The following VCAN variants were observed in gnomAD, a reference collection of about 807,000 sequenced individuals.
The protein encoded by VCAN is versican, also known as versican core protein.
A neutral mutation model predicts 245.5 loss-of-function variants in VCAN; 44 were observed. The ratio of observed to expected loss-of-function variants is 0.18; its 90% confidence interval spans 0.14 to 0.23. VCAN has a LOEUF of 0.23. VCAN is among the 10% of genes least tolerant of loss of function. The pLI, the probability that VCAN is intolerant of heterozygous loss-of-function variation, is 1.00. For missense variants in VCAN, 3,793 were observed against 4,057.9 expected, an observed-to-expected ratio of 0.93 and a Z score of 1.77; for synonymous variants, 1,413 against 1,437.0, an observed-to-expected ratio of 0.98 and a Z score of 0.38.
chr5:83,543,924 C>T (rs751506912), intron 8 of VCAN, among the ~76,000 whole-genome samples: 1 of 152,184 alleles, frequency 6.6e-6, no homozygotes, highest in Non-Finnish European at 1.5e-5. Flanking sequence ...GAATAACATT[C>T]ATAAAAACTG....
At position 83,518,353 on chromosome 5, in the gene VCAN, G is replaced by T. The variant is rs376957769; in HGVS notation, c.1043-996G>T. ...ACACAATTTAAATTTCTTTCAACAG[G>T]CCAGGCCATTCTCTGTAAATCTGGA... is the stretch of plus-strand genomic sequence containing the variant. On this transcript the variant is annotated intron_variant, in intron 6 of 14. Transcript: ENST00000265077. 3.3e-5 allele frequency among the ~76,000 whole-genome samples: 5 copies of T among 152,094 alleles called. No homozygotes were observed. In the East Asian group the frequency reaches 7.7e-4, roughly 23 times the overall value.
intron 6 of VCAN, among the ~76,000 whole-genome samples, chr5:83,518,634 C>G (rs1030377835): frequency 5.9e-5 from 9 of 152,132 alleles, no homozygotes; most frequent in Admixed American, 6.5e-5. Flanking sequence ...TAGCCTCTGC[C>G]AGGCACATTT....
At chr5:83,486,887 G>A (rs764724935) in intron 2 of VCAN, among the ~76,000 whole-genome samples, 7 of 152,188 alleles carry the variant, frequency 4.6e-5, no homozygotes, top group Non-Finnish European at 1.0e-4. Context: ...TGGATTTATA[G>A]TGGAAAACAC....
intron 13 of VCAN, among the ~76,000 whole-genome samples, chr5:83,575,294 C>G (rs1287403767): frequency 6.6e-6 from 1 of 152,140 alleles, no homozygotes; most frequent in Non-Finnish European, 1.5e-5. Flanking sequence ...AGAATGTATT[C>G]TCAATACCTT....
chr5:83,510,932 G>A (rs1423513875), intron 5 of VCAN, among the ~76,000 whole-genome samples: 1 of 152,148 alleles, frequency 6.6e-6, no homozygotes, highest in African/African-American at 2.4e-5. Flanking sequence ...TGGCCAACAT[G>A]GCAAAACCCC....
chr5:83,508,588 A>C (rs1745552190), intron 5 of VCAN, among the ~76,000 whole-genome samples: 1 of 152,242 alleles, frequency 6.6e-6, no homozygotes, highest in Non-Finnish European at 1.5e-5. Context: ...AGGAAGGCTT[A>C]AATAGTTATT....
At chr5:83,494,139 A>G (rs1561230353) in intron 5 of VCAN, among the ~76,000 whole-genome samples, 2 of 152,196 alleles carry the variant, frequency 1.3e-5, no homozygotes, top group African/African-American at 2.4e-5. Context: ...GCAGGTTAGA[A>G]ATGTCTTCAG....
chr5:83,552,795 G>A (rs931993634), intron 10 of VCAN, among the ~76,000 whole-genome samples: 3 of 151,978 alleles, frequency 2.0e-5, no homozygotes, highest in Non-Finnish European at 4.4e-5. Context: ...TAGGAAGAAG[G>A]CATACAGTTC....
At chr5:83,562,197 A>G (rs1373909471) in intron 12 of VCAN, 4 of 152,166 alleles carry the variant, frequency 2.6e-5, no homozygotes, top group African/African-American at 9.6e-5. Context: ...GTATTAATCC[A>G]AAAGCCAAGG....
intron 7 of VCAN, chr5:83,534,236 A>G (rs1047598821): frequency 2.0e-5 from 3 of 152,116 alleles, no homozygotes; most frequent in Admixed American, 6.6e-5. Context: ...TTTTGAAGTA[A>G]AGAATTTACT....
At chr5:83,472,367 G>C (rs1744225902) in intron 1 of VCAN, among the ~76,000 whole-genome samples, 1 of 152,192 alleles carries the variant, frequency 6.6e-6, no homozygotes, top group Non-Finnish European at 1.5e-5. Context: ...GGAGAGAAGA[G>C]AGGGACCTTT....
chr5:83,510,893 A>G (rs959235467), intron 5 of VCAN, among the ~76,000 whole-genome samples: 9 of 152,174 alleles, frequency 5.9e-5, no homozygotes, highest in East Asian at 1.9e-4. Flanking sequence ...AGGCGGGTGG[A>G]TCACGAGGTC....
intron 10 of VCAN, 91 bp from the exon 11 acceptor site, chr5:83,553,273 C>G: frequency 6.5e-7 from 1 of 1,538,518 alleles, no homozygotes; most frequent in Non-Finnish European, 8.9e-7. Context: ...TGCACAGATA[C>G]TGGCTTGGGT....
intron 5 of VCAN, among the ~76,000 whole-genome samples, chr5:83,505,299 A>G (rs1745450330): frequency 6.6e-6 from 1 of 152,236 alleles, no homozygotes; most frequent in African/African-American, 2.4e-5. Flanking sequence ...GGAGCCTGTA[A>G]AAATCAAAAG....
At position 83,521,540 on chromosome 5, in the gene VCAN, T is replaced by C; in HGVS notation, c.3234T>C (p.Asp1078=). ...GDGSAYTVSE[D]ELLTGSERVP... The stretch of plus-strand genomic sequence containing the variant: ...GATCAGCATATACAGTCTCTGAAGA[T>C]GAATTGTTGACAGGTTCTGAGAGGG... Residue 1078 remains aspartate (D), a synonymous_variant, in exon 7 of 15, where the codon GAT becomes GAC. Transcript: ENST00000265077. 1.2e-6 allele frequency: 2 copies of C among 1,614,038 alleles called. No individual in the cohort carries two copies. Among genetic ancestry groups the C allele is most frequent in the South Asian group, 1.1e-5 (1 of 91,084 alleles).
At chr5:83,516,669 G>A (rs1745867950) in intron 6 of VCAN, among the ~76,000 whole-genome samples, 1 of 152,196 alleles carries the variant, frequency 6.6e-6, no homozygotes, top group African/African-American at 2.4e-5. Context: ...TAAAGTTGAA[G>A]GAATACTGGT....
intron 1 of VCAN, among the ~76,000 whole-genome samples, chr5:83,480,804 T>C (rs1252286371): frequency 6.6e-6 from 1 of 152,176 alleles, no homozygotes; most frequent in East Asian, 1.9e-4. Context: ...GGTTATAATT[T>C]TCAAATGTAA....
Position 83,539,381 on chromosome 5 carries a change from T to A in VCAN, c.6378T>A (p.Phe2126Leu), listed in dbSNP as rs1746870658. The change falls in exon 8 of 15, where the codon TTT (phenylalanine) becomes TTA (leucine). Residue 2126 changes from phenylalanine (F) to leucine (L), a missense_variant. Phe to Leu is a conservative substitution (Grantham distance 22). Around this residue, in one of 5 missense-constraint regions of VCAN, gnomAD observed 3,182 missense variants for 3,250.3 expected, o/e 0.98. Coordinates refer to ENST00000265077, the MANE Select transcript of VCAN (RefSeq NM_004385.5). The part of the protein sequence containing the change: ...SEEQIQEEKS[F>L]ESPQNSPATE... ...AACAAATTCAAGAAGAAAAGTCATTTGAATCCCCTCAAAACTCTCCTGCAA... is the reference window on the plus strand; with the variant it reads ...AACAAATTCAAGAAGAAAAGTCATTAGAATCCCCTCAAAACTCTCCTGCAA... The A allele has an allele frequency of 3.7e-6, 6 of 1,614,108 alleles. No homozygotes were observed. The East Asian group carries it at 1.1e-4, about 30-fold the overall frequency.
intron 7 of VCAN, among the ~76,000 whole-genome samples, chr5:83,525,237 G>C (rs1429641289): frequency 6.6e-6 from 1 of 151,618 alleles, no homozygotes; most frequent in African/African-American, 2.4e-5. Flanking sequence ...AATGCTATGG[G>C]GTGTGTTTAA....
Sources: gnomAD v4.1 joint callset for allele counts (sites outside exome capture counted in the v4.1 genomes callset) on GRCh38, gnomAD v4.1.1 for gene constraint, gnomAD v4.1.1 regional missense constraint, MANE v1.5 for transcripts, NCBI Gene and HGNC (gene_info 2026-07-23, HGNC 2026-07-21) for gene names.